PLS1: variants seen among roughly 807,000 people sequenced by gnomAD.
PLS1 encodes the protein plastin 1.
A neutral mutation model predicts 73.7 loss-of-function variants in PLS1; 32 were observed. The observed-to-expected ratio is 0.43, with a 90% CI of 0.33 to 0.58. PLS1 has a LOEUF of 0.58. Ranked by LOEUF, PLS1 falls within the 20% of genes least tolerant of loss-of-function variation. PLS1 has a pLI of 0.04. For missense variants in PLS1, 633 were observed against 740.5 expected, an observed-to-expected ratio of 0.85 and a Z score of 1.68; for synonymous variants, 217 against 261.3, an observed-to-expected ratio of 0.83 and a Z score of 1.63.
intron 1 of PLS1, among the ~76,000 whole-genome samples, chr3:142,613,392 A>G (rs1345993949): frequency 1.3e-5 from 2 of 151,904 alleles, no homozygotes; most frequent in African/African-American, 4.8e-5. Flanking sequence ...AGGCAGGAAA[A>G]CTTGAACCTG....
intron 1 of PLS1, among the ~76,000 whole-genome samples, chr3:142,661,773 A>G (rs1205316132): frequency 1.3e-5 from 2 of 152,224 alleles, no homozygotes; most frequent in African/African-American, 4.8e-5. Flanking sequence ...TGATAGAACT[A>G]AGTGTTTATG....
At chr3:142,671,198 T>A (rs1365219106) in intron 4 of PLS1, 76 bp downstream of exon 4, 1 of 1,255,090 alleles carries the variant, frequency 8.0e-7, no homozygotes, top group Non-Finnish European at 1.2e-6. Flanking sequence ...AGTTCTAAGA[T>A]GCCACTCATT....
chr3:142,686,236 G>A, intron 8 of PLS1, 48 bp from the exon 9 acceptor site: 1 of 1,090,676 alleles, frequency 9.2e-7, no homozygotes, highest in Non-Finnish European at 1.4e-6. Context: ...TAAATTCAAT[G>A]ATGATTTTAT....
chr3:142,634,182 G>T (rs1406390019), intron 1 of PLS1, among the ~76,000 whole-genome samples: 1 of 152,196 alleles, frequency 6.6e-6, no homozygotes, highest in East Asian at 1.9e-4. Context: ...TAATTTGCAT[G>T]ATAACTTTAA....
At chr3:142,598,745 C>G (rs2035857285) in intron 1 of PLS1, among the ~76,000 whole-genome samples, 1 of 152,142 alleles carries the variant, frequency 6.6e-6, no homozygotes, top group Admixed American at 6.5e-5. Flanking sequence ...CGCCTGTAAT[C>G]CCAGCACTTT....
At chr3:142,670,547 T>G (rs2037583450) in intron 3 of PLS1, among the ~76,000 whole-genome samples, 1 of 152,192 alleles carries the variant, frequency 6.6e-6, no homozygotes, top group South Asian at 2.1e-4. Flanking sequence ...CAATCTCTGG[T>G]GAGTCCAGTG....
chr3:142,665,735 A>G (rs1293539701), intron 2 of PLS1, among the ~76,000 whole-genome samples: 3 of 152,190 alleles, frequency 2.0e-5, no homozygotes, highest in African/African-American at 7.2e-5. Context: ...TGACTCATGA[A>G]CATATTAATA....
At chr3:142,655,075 G>A (rs1379495584) in intron 1 of PLS1, 2 of 152,132 alleles carry the variant, frequency 1.3e-5, no homozygotes, top group Admixed American at 1.3e-4. Flanking sequence ...ACAATGATAG[G>A]AAGGTGGGAT....
chr3:142,626,115 G>C (rs960123084), intron 1 of PLS1, among the ~76,000 whole-genome samples: 1 of 152,204 alleles, frequency 6.6e-6, no homozygotes, highest in Non-Finnish European at 1.5e-5. Flanking sequence ...GGAGCTCATA[G>C]AGATTGTGGT....
At chr3:142,600,910 ATATATAT>A (rs2035910825) in intron 1 of PLS1, among the ~76,000 whole-genome samples, 1 of 24,444 alleles carries the variant, frequency 4.1e-5, no homozygotes, top group Non-Finnish European at 6.2e-5. Flanking sequence ...ATATATATAT[ATATATAT>A]TTTTTTTTTT....
At chr3:142,655,645 C>T (rs779872245) in intron 1 of PLS1, among the ~76,000 whole-genome samples, 5 of 150,206 alleles carry the variant, frequency 3.3e-5, no homozygotes, top group Non-Finnish European at 5.9e-5. Context: ...TCGCTTGAAC[C>T]TGGGAGGTGG....
intron 1 of PLS1, among the ~76,000 whole-genome samples, chr3:142,613,438 T>C (rs1409177010): frequency 6.6e-6 from 1 of 151,760 alleles, no homozygotes; most frequent in Non-Finnish European, 1.5e-5. Context: ...GATCATGCCA[T>C]TGTACTCCAG....
intron 1 of PLS1, among the ~76,000 whole-genome samples, chr3:142,598,411 A>G (rs1645783401): frequency 6.6e-6 from 1 of 152,212 alleles, no homozygotes; most frequent in South Asian, 2.1e-4. Flanking sequence ...AGGCCATGTT[A>G]GAGCTGTATC....
chr3:142,610,146 T>TA (rs1223696715), intron 1 of PLS1, among the ~76,000 whole-genome samples: 1 of 152,172 alleles, frequency 6.6e-6, no homozygotes, highest in East Asian at 1.9e-4. Flanking sequence ...TTGTATTTAT[T>TA]AAGTATCTCC....
At chr3:142,654,034 G>A (rs2037162596) in intron 1 of PLS1, among the ~76,000 whole-genome samples, 1 of 152,128 alleles carries the variant, frequency 6.6e-6, no homozygotes, top group Non-Finnish European at 1.5e-5. Flanking sequence ...GCCACATGTT[G>A]GGGCTTTTAA....
chr3:142,639,305 C>T (rs1415055092), intron 1 of PLS1, among the ~76,000 whole-genome samples: 2 of 152,158 alleles, frequency 1.3e-5, no homozygotes, highest in African/African-American at 2.4e-5. Context: ...TCCCTGCTGA[C>T]ATCTGAAGTG....
intron 14 of PLS1, among the ~76,000 whole-genome samples, chr3:142,708,530 G>A (rs1932961298): frequency 6.6e-6 from 1 of 152,210 alleles, no homozygotes. Context: ...ACAGGCATGA[G>A]CCACCACGCC....
intron 1 of PLS1, among the ~76,000 whole-genome samples, chr3:142,600,156 A>G (rs1372299744): frequency 6.6e-6 from 1 of 152,112 alleles, no homozygotes; most frequent in Non-Finnish European, 1.5e-5. Context: ...TCGATGAGAG[A>G]ATGTGTGTGT....
At chr3:142,640,731 G>A (rs1302941181) in intron 1 of PLS1, among the ~76,000 whole-genome samples, 1 of 152,152 alleles carries the variant, frequency 6.6e-6, no homozygotes, top group Admixed American at 6.6e-5. Flanking sequence ...GTTGGGTGGT[G>A]TCTGATGTGG....
Sources: allele counts gnomAD v4.1 joint callset (sites outside exome capture counted in the v4.1 genomes callset), GRCh38; gene constraint gnomAD v4.1.1; transcripts MANE v1.5; gene names NCBI Gene and HGNC (gene_info 2026-07-23, HGNC 2026-07-21).